Variants in FBXW7 observed in about 807,000 individuals in gnomAD.
The protein encoded by FBXW7 is F-box/WD repeat-containing protein 7.
Under a neutral mutation model 86.3 loss-of-function variants are expected in FBXW7, and 11 were observed. The observed-to-expected ratio is 0.13, with a 90% confidence interval of 0.08 to 0.21. The LOEUF (loss-of-function observed/expected upper bound fraction) is 0.21, where lower values mean the gene tolerates loss of function less well. Among genes scored for constraint, FBXW7 ranks in the 10% least tolerant of loss-of-function variants. The pLI, the probability that FBXW7 is intolerant of heterozygous loss-of-function variation, is 1.00. For missense variants in FBXW7, 488 were observed against 847.4 expected, an observed-to-expected ratio of 0.58 and a Z score of 5.27; for synonymous variants, 313 against 297.9, an observed-to-expected ratio of 1.05 and a Z score of -0.52.
chr4:152,445,900 A>C (rs1741329419), intron 2 of FBXW7, among the ~76,000 whole-genome samples: 1 of 131,900 alleles, frequency 7.6e-6, no homozygotes, highest in African/African-American at 2.8e-5. Flanking sequence ...ACACAGCAAG[A>C]CTCTGTCTTT....
At chr4:152,346,742 G>C (rs1731301971) in intron 6 of FBXW7, 188 bp downstream of exon 6, 1 of 695,818 alleles carries the variant, frequency 1.4e-6, no homozygotes, top group East Asian at 3.0e-5. Flanking sequence ...GCCTATTCTG[G>C]ACATTTCATA....
At chr4:152,360,808 G>A (rs1732865301) in intron 4 of FBXW7, among the ~76,000 whole-genome samples, 1 of 149,408 alleles carries the variant, frequency 6.7e-6, no homozygotes, top group Non-Finnish European at 1.5e-5. Flanking sequence ...ATAGAGAAAA[G>A]CCTAGAAAAA....
chr4:152,436,943 T>C (rs111536465), intron 2 of FBXW7, among the ~76,000 whole-genome samples: 3,034 of 152,306 alleles, frequency 0.02, 89 homozygotes, highest in Admixed American at 0.065. Context: ...GATGGAGATG[T>C]ACATGGAGAT....
intron 4 of FBXW7, among the ~76,000 whole-genome samples, chr4:152,389,626 T>C (rs375066663): frequency 1.8e-4 from 28 of 152,086 alleles, no homozygotes; most frequent in East Asian, 1.7e-3. Context: ...GCAGGGAGGA[T>C]GCTGAGAGAT....
intron 2 of FBXW7, chr4:152,530,145 A>G (rs565394819): frequency 6.6e-6 from 1 of 151,642 alleles, no homozygotes; most frequent in East Asian, 1.9e-4. Flanking sequence ...ACGTATATAT[A>G]TGTATATACA....
chr4:152,403,564 T>C (rs1387727745), intron 4 of FBXW7, among the ~76,000 whole-genome samples: 1 of 152,034 alleles, frequency 6.6e-6, no homozygotes, highest in Non-Finnish European at 1.5e-5. Context: ...AGACAATTTT[T>C]CCATGGACAG....
chr4:152,332,679 A>C lies in FBXW7; in HGVS notation c.902T>G (p.Leu301Arg). 1 of 1,601,528 alleles carries C rather than the reference A, an allele frequency of 6.2e-7. No individual in the cohort carries two copies. The highest frequency in any genetic ancestry group is 8.5e-7 in the Non-Finnish European group (1 of 1,172,050). The change falls in exon 8 of 14, where the codon CTG (leucine) becomes CGG (arginine). Residue 301 changes from leucine to arginine, a missense_variant. By Grantham distance (102) the Leu-to-Arg change is moderately radical. Coordinates refer to ENST00000281708, the MANE Select transcript of FBXW7 (RefSeq NM_001349798.2). ...GCGACATGTCTGAGCTGCTTGTAGC[A>C]GGTCTTTGGGTTCCAGGAATGAAAG... ...YVLSFLEPKD[L>R]LQAAQTCRYW... is the part of the protein sequence containing the mutation.
intron 2 of FBXW7, among the ~76,000 whole-genome samples, chr4:152,435,086 G>T (rs1349103435): frequency 6.7e-6 from 1 of 149,078 alleles, no homozygotes; most frequent in East Asian, 2.0e-4. Context: ...GGGGAGGGGA[G>T]GGGAGGGGAG....
chr4:152,365,737 G>C (rs1187455612), intron 4 of FBXW7, among the ~76,000 whole-genome samples: 1 of 152,158 alleles, frequency 6.6e-6, no homozygotes, highest in Non-Finnish European at 1.5e-5. Context: ...GCTCCAACTG[G>C]TTCTGGCCCA....
At chr4:152,375,900 T>C (rs1345377311) in intron 4 of FBXW7, among the ~76,000 whole-genome samples, 1 of 152,106 alleles carries the variant, frequency 6.6e-6, no homozygotes, top group Non-Finnish European at 1.5e-5. Flanking sequence ...GTTAAATTTA[T>C]GCATAACGAT....
intron 4 of FBXW7, among the ~76,000 whole-genome samples, chr4:152,409,464 T>C (rs567377129): frequency 9.5e-4 from 145 of 152,294 alleles, no homozygotes; most frequent in African/African-American, 3.4e-3. Flanking sequence ...ATTTTCTTTT[T>C]AGGTGAAGCA....
chr4:152,438,031 G>A (rs984005068), intron 2 of FBXW7, among the ~76,000 whole-genome samples: 7 of 151,862 alleles, frequency 4.6e-5, no homozygotes, highest in East Asian at 1.9e-4. Flanking sequence ...AAAATTAGCC[G>A]GGTGTGGTGG....
intron 2 of FBXW7, among the ~76,000 whole-genome samples, chr4:152,424,564 C>G (rs1033730678): frequency 6.6e-6 from 1 of 152,134 alleles, no homozygotes; most frequent in Non-Finnish European, 1.5e-5. Context: ...CACCACAGCC[C>G]ACTTGTTTTA....
chr4:152,470,556 A>G (rs1253310749), intron 2 of FBXW7, among the ~76,000 whole-genome samples: 1 of 152,126 alleles, frequency 6.6e-6, no homozygotes, highest in Non-Finnish European at 1.5e-5. Flanking sequence ...GGTACTTAAA[A>G]ATTAAAATAT....
chr4:152,450,600 T>C (rs1406212527), intron 2 of FBXW7, among the ~76,000 whole-genome samples: 1 of 152,132 alleles, frequency 6.6e-6, no homozygotes, highest in African/African-American at 2.4e-5. Context: ...AATGAAAAAA[T>C]TAATACCACA....
chr4:152,465,519 A>G (rs1219848854), intron 2 of FBXW7, among the ~76,000 whole-genome samples: 4 of 152,138 alleles, frequency 2.6e-5, no homozygotes, highest in African/African-American at 9.7e-5. Flanking sequence ...ATACTATAAC[A>G]TAAACCATAA....
intron 2 of FBXW7, among the ~76,000 whole-genome samples, chr4:152,468,245 C>G (rs1035438312): frequency 2.6e-5 from 4 of 152,022 alleles, no homozygotes; most frequent in African/African-American, 9.7e-5. Context: ...GAGTTACACA[C>G]AGGTACTATA....
At chr4:152,525,266 AAGG>A (rs1313810636) in intron 2 of FBXW7, among the ~76,000 whole-genome samples, 5 of 152,252 alleles carry the variant, frequency 3.3e-5, no homozygotes, top group Admixed American at 2.0e-4. Flanking sequence ...CTTTCCTTAA[AAGG>A]AGAAGTCACA....
chr4:152,457,262 G>C lies in FBXW7; in HGVS notation c.-119-44733C>G, dbSNP rs747751237. 3.9e-4 allele frequency among the ~76,000 whole-genome samples: 59 copies of C among 152,156 alleles called. 1 individual carries two copies. Among genetic ancestry groups the C allele is most frequent in the Non-Finnish European group, 1.2e-4 (8 of 68,038 alleles). ...AGATTACAAAGAGGCTTTTAAGGGT[G>C]ATGTATATATTCACTGGATATATAC... On this transcript the variant is annotated intron_variant, in intron 2 of 13. Coordinates refer to ENST00000281708, the MANE Select transcript of FBXW7 (RefSeq NM_001349798.2).
Sources: allele counts gnomAD v4.1 joint callset (sites outside exome capture counted in the v4.1 genomes callset), GRCh38; gene constraint gnomAD v4.1.1; transcripts MANE v1.5; gene names NCBI Gene and HGNC (gene_info 2026-07-23, HGNC 2026-07-21).